Variants in COL5A1 observed in about 807,000 individuals in gnomAD.
COL5A1 encodes the protein collagen alpha-1(V) chain.
COL5A1 carries 16 observed loss-of-function variants against 263.7 expected under a neutral mutation model. The ratio of observed to expected loss-of-function variants is 0.06; its 90% CI spans 0.04 to 0.09. The LOEUF (loss-of-function observed/expected upper bound fraction) is 0.09, where lower values mean the gene tolerates loss of function less well. COL5A1 is among the 10% of genes least tolerant of loss of function. The pLI is 1.00. For missense variants in COL5A1, 2,036 were observed against 2,540.5 expected, an observed-to-expected ratio of 0.80 and a Z score of 4.27; for synonymous variants, 1,012 against 1,004.5, an observed-to-expected ratio of 1.01 and a Z score of -0.14.
At chr9:134,655,363 C>G (rs1831928131) in intron 1 of COL5A1, among the ~76,000 whole-genome samples, 1 of 151,940 alleles carries the variant, frequency 6.6e-6, no homozygotes, top group Non-Finnish European at 1.5e-5. Context: ...CCGGGAGGCC[C>G]CCAGCCGGGA....
rs764916464 is a variant in COL5A1, at chr9:134,678,882, C to G, written c.110-12030C>G. ...CTGGGAAGAGGGAGCAGGGATCAGG[C>G]TGGTTGGTGTTACCCCCTGCTGGGG... On this transcript the variant is annotated intron_variant, in intron 1 of 65. Coordinates refer to ENST00000371817, the MANE Select transcript of COL5A1 (RefSeq NM_000093.5). This position sits in a 1 kb window ranked among gnomAD's most constrained non-coding sequence, Gnocchi z 5.5. Among the ~76,000 whole-genome samples, 6 of 152,202 alleles carry G rather than the reference C, an allele frequency of 3.9e-5. No individual in the cohort carries two copies. The highest frequency in any genetic ancestry group is 1.3e-4 in the Admixed American group (2 of 15,276).
At chr9:134,805,771 G>A (rs1435856579) in intron 41 of COL5A1, among the ~76,000 whole-genome samples, 1 of 152,158 alleles carries the variant, frequency 6.6e-6, no homozygotes, top group Non-Finnish European at 1.5e-5. Context: ...GGGCCCTGGA[G>A]GGGAGGGGTT....
chr9:134,705,543 C>T (rs950462235), intron 4 of COL5A1, among the ~76,000 whole-genome samples: 5 of 152,232 alleles, frequency 3.3e-5, no homozygotes, highest in Non-Finnish European at 7.3e-5. Flanking sequence ...GGACTTCCTT[C>T]CCTGCTGGTG....
rs2132456286 is a variant in COL5A1, at chr9:134,642,835, A to G, written c.109+539A>G. Reference sequence around the variant, plus strand: ...AGCTGGCGCCCTGCTTTCCCCAGGGACAGCGTTTCCTGCAGCCTTGGTCAC... The same window carrying G: ...AGCTGGCGCCCTGCTTTCCCCAGGGGCAGCGTTTCCTGCAGCCTTGGTCAC... On this transcript the variant is annotated intron_variant, in intron 1 of 65. Transcript: ENST00000371817. The surrounding 1 kb of genome is among the most constrained non-coding windows in gnomAD (Gnocchi z 4.5). 6.6e-6 allele frequency among the ~76,000 whole-genome samples: 1 copy of G among 152,284 alleles called. No homozygotes were observed. The highest frequency in any genetic ancestry group is 1.9e-4 in the East Asian group (1 of 5,168).
chr9:134,759,496 TACAC>T (rs1266938636), intron 18 of COL5A1, among the ~76,000 whole-genome samples: 4 of 82,362 alleles, frequency 4.9e-5, no homozygotes, highest in Admixed American at 1.4e-4. Flanking sequence ...CCCACACTCA[TACAC>T]ACATGCACAC....
rs73556965 is a variant in COL5A1, at chr9:134,652,772, C to T, written c.109+10476C>T. On this transcript the variant is annotated intron_variant, in intron 1 of 65. Transcript: ENST00000371817. This position sits in a 1 kb window ranked among gnomAD's most constrained non-coding sequence, Gnocchi z 4.4. Reference sequence around the variant, plus strand: ...GGGCCTCTTCTTAGGCCGGGTCCAGCGTTTCTCCTCATGGTGTAGACCAGC... The same window carrying T: ...GGGCCTCTTCTTAGGCCGGGTCCAGTGTTTCTCCTCATGGTGTAGACCAGC... The T allele has an allele frequency of 0.012, 5,706 of 470,120 alleles. 214 individuals carry two copies. The highest frequency in any genetic ancestry group is 0.086 in the African/African-American group (4,294 of 50,116). 29.1% of individuals were successfully genotyped at this position (470,120 alleles called of 1,614,324 possible).
In COL5A1 at chr9:134,789,393, G is replaced by C. The variant is rs1489749484; in HGVS notation, c.2700+185G>C. On this transcript the variant is annotated intron_variant, in intron 32 of 65. Coordinates refer to ENST00000371817, the MANE Select transcript of COL5A1 (RefSeq NM_000093.5). The surrounding 1 kb of genome is among the most constrained non-coding windows in gnomAD (Gnocchi z 4.8). ...GTTGGTGACACTCTCCAGACGCTGG[G>C]CTGGGCAGGTATGTGATAGGAAGGG... Among the ~76,000 whole-genome samples the C allele has an allele frequency of 6.6e-6, 1 of 152,178 alleles. No homozygotes were observed. The highest frequency in any genetic ancestry group is 1.5e-5 in the Non-Finnish European group (1 of 68,032).
chr9:134,735,427 G>T (rs780145390), intron 9 of COL5A1, among the ~76,000 whole-genome samples: 3 of 150,540 alleles, frequency 2.0e-5, no homozygotes, highest in Non-Finnish European at 4.4e-5. Flanking sequence ...TTTTCCTCTC[G>T]TTCCTCTTTC....
At position 134,829,836 on chromosome 9, in the gene COL5A1, G is replaced by A. The variant is rs1021498477; in HGVS notation, c.5068-140G>A. 115 of 902,816 alleles carry A rather than the reference G, an allele frequency of 1.3e-4. No individual in the cohort carries two copies. In the East Asian group the frequency reaches 2.6e-3, roughly 21 times the overall value. The allele number at this position is 902,816 out of a possible 1,614,324, so 55.9% of individuals were successfully genotyped here. Reference sequence around the variant, plus strand: ...CCCTCAGGCTGCACTGAAGGCGCTCGGTGGGTCCTCCCTGCAGCCCCCCCG... The same window carrying A: ...CCCTCAGGCTGCACTGAAGGCGCTCAGTGGGTCCTCCCTGCAGCCCCCCCG... On this transcript the variant is annotated intron_variant, in intron 63 of 65. Coordinates refer to ENST00000371817, the MANE Select transcript of COL5A1 (RefSeq NM_000093.5).
chr9:134,802,669 C>T (rs543379932), intron 38 of COL5A1, among the ~76,000 whole-genome samples: 36 of 152,300 alleles, frequency 2.4e-4, no homozygotes, highest in Middle Eastern at 3.4e-3. Context: ...AAGAGGGCCA[C>T]GCGGGGCCCA....
chr9:134,825,690 G>T, intron 62 of COL5A1, 102 bp from the exon 63 acceptor site: 1 of 744,498 alleles, frequency 1.3e-6, no homozygotes, highest in South Asian at 1.4e-5. Flanking sequence ...CCTGGGGCGT[G>T]CATTTTAACT....
chr9:134,646,739 C>A (rs1179271683), intron 1 of COL5A1, among the ~76,000 whole-genome samples: 1 of 152,122 alleles, frequency 6.6e-6, no homozygotes, highest in African/African-American at 2.4e-5. Flanking sequence ...ATGTGGGGGC[C>A]TCTGGGGGTG....
In COL5A1 at chr9:134,712,912, G is replaced by A. The variant is rs545191763; in HGVS notation, c.654+11579G>A. ...GCCCATACCCATCCTGGCTCTGTCC[G>A]CAAACCTGTCCTCCAGAAGGGCCTG... On this transcript the variant is annotated intron_variant, in intron 4 of 65. Coordinates refer to ENST00000371817, the MANE Select transcript of COL5A1 (RefSeq NM_000093.5). 3.9e-5 allele frequency among the ~76,000 whole-genome samples: 6 copies of A among 152,086 alleles called. No homozygotes were observed. In the South Asian group the frequency reaches 1.0e-3, roughly 26 times the overall value.
rs530221926 is a variant in COL5A1, at chr9:134,750,970, C to A, written c.1662+88C>A. On this transcript the variant is annotated intron_variant, in intron 13 of 65. Coordinates refer to ENST00000371817, the MANE Select transcript of COL5A1 (RefSeq NM_000093.5). Reference sequence around the variant, plus strand: ...GAGTGAGTGAGTCAGGCTCAGAGCCCAACTTGGAGGGAAGCAGCTGTCTTG... The same window carrying A: ...GAGTGAGTGAGTCAGGCTCAGAGCCAAACTTGGAGGGAAGCAGCTGTCTTG... 2,850 of 1,127,844 alleles carry A rather than the reference C, an allele frequency of 2.5e-3. 8 individuals carry two copies. Among genetic ancestry groups the A allele is most frequent in the Non-Finnish European group, 3.3e-3 (2,487 of 758,414 alleles). 69.9% of individuals were successfully genotyped at this position (1,127,844 alleles called of 1,614,324 possible).
chr9:134,817,465 C>T (rs542603291), intron 53 of COL5A1, among the ~76,000 whole-genome samples: 7 of 152,358 alleles, frequency 4.6e-5, no homozygotes, highest in Admixed American at 3.9e-4. Flanking sequence ...CTGCCTGGTG[C>T]ACCCAGGACG....
At chr9:134,809,707 G>A (rs4531123) in intron 43 of COL5A1, among the ~76,000 whole-genome samples, 26,842 of 152,212 alleles carry the variant, frequency 0.18, 4,262 homozygotes, top group African/African-American at 0.43. Context: ...CATTAAGAAT[G>A]TGCTTTATAA....
At chr9:134,826,749 GTGTGTGTGGCT>G (rs1204480119) in intron 63 of COL5A1, among the ~76,000 whole-genome samples, 3 of 150,450 alleles carry the variant, frequency 2.0e-5, no homozygotes, top group Non-Finnish European at 4.4e-5. Flanking sequence ...TGGTGTTCGG[GTGTGTGTGGCT>G]GGTGTGTGGG....
chr9:134,741,282 G>A lies in COL5A1; in HGVS notation c.1494+2474G>A, dbSNP rs1170547624. Among the ~76,000 whole-genome samples the A allele has an allele frequency of 2.0e-5, 3 of 152,190 alleles. No homozygotes were observed. The highest frequency in any genetic ancestry group is 4.8e-5 in the African/African-American group (2 of 41,442). The stretch of plus-strand genomic sequence containing the variant: ...AAAAGACAGATTAACAAGAGAAGAG[G>A]CATACGATTTTAACACTTTTAATCT... On this transcript the variant is annotated intron_variant, in intron 11 of 65. Transcript: ENST00000371817. The surrounding 1 kb of genome is among the most constrained non-coding windows in gnomAD (Gnocchi z 4.5).
intron 1 of COL5A1, among the ~76,000 whole-genome samples, chr9:134,651,678 G>A (rs1831690909): frequency 6.6e-6 from 1 of 152,222 alleles, no homozygotes; most frequent in Admixed American, 6.5e-5. Context: ...GCAAGCCTGG[G>A]TGTGGGGAGA....
Sources: gnomAD v4.1 joint callset for allele counts (sites outside exome capture counted in the v4.1 genomes callset) on GRCh38, gnomAD v4.1.1 for gene constraint, Gnocchi (gnomAD v3.1) non-coding constraint, MANE v1.5 for transcripts, NCBI Gene and HGNC (gene_info 2026-07-23, HGNC 2026-07-21) for gene names.